RIMBP2: variants seen among roughly 807,000 people sequenced by gnomAD.
RIMBP2 encodes the protein RIMS-binding protein 2.
A neutral mutation model predicts 118.6 loss-of-function variants in RIMBP2; 48 were observed. The ratio of observed to expected loss-of-function variants is 0.40; its 90% CI spans 0.32 to 0.51. The LOEUF (loss-of-function observed/expected upper bound fraction) is 0.51, where lower values mean the gene tolerates loss of function less well. Ranked by LOEUF, RIMBP2 falls within the 20% of genes least tolerant of loss-of-function variation. The pLI, the probability that RIMBP2 is intolerant of heterozygous loss-of-function variation, is 0.41. For synonymous variants in RIMBP2, 762 were observed against 742.9 expected (o/e 1.03, Z -0.42); for missense variants, 1,551 against 1,768.3 (o/e 0.88, Z 2.20).
chr12:130,399,263 A>T, intron 22 of RIMBP2: 1 of 605,200 alleles, frequency 1.7e-6, no homozygotes, highest in East Asian at 4.2e-5. Context: ...GATACTAAAC[A>T]TGAATGTAGT....
intron 3 of RIMBP2, among the ~76,000 whole-genome samples, chr12:130,513,314 C>G (rs2051110324): frequency 6.6e-6 from 1 of 152,174 alleles, no homozygotes; most frequent in South Asian, 2.1e-4. Context: ...GGATTTTATT[C>G]TCTAAAAAAA....
At chr12:130,654,049 C>T (rs1236800086) in intron 1 of RIMBP2, among the ~76,000 whole-genome samples, 1 of 152,202 alleles carries the variant, frequency 6.6e-6, no homozygotes, top group Non-Finnish European at 1.5e-5. Context: ...GATATTAGCA[C>T]TTGGGTCCTT....
intron 6 of RIMBP2, among the ~76,000 whole-genome samples, chr12:130,467,274 A>T (rs2080565732): frequency 6.6e-6 from 1 of 152,264 alleles, no homozygotes; most frequent in Non-Finnish European, 1.5e-5. Flanking sequence ...ATGCAGCTAG[A>T]GGCTGAAAGA....
At chr12:130,650,970 A>AG (rs1436728268) in intron 1 of RIMBP2, among the ~76,000 whole-genome samples, 1 of 149,466 alleles carries the variant, frequency 6.7e-6, no homozygotes, top group Non-Finnish European at 1.5e-5. Context: ...AAAAAAAAAA[A>AG]AAAAAAGAAA....
intron 4 of RIMBP2, among the ~76,000 whole-genome samples, chr12:130,480,881 G>A (rs553894834): frequency 5.3e-5 from 8 of 152,340 alleles, no homozygotes; most frequent in South Asian, 4.2e-4. Context: ...GATTACAGGC[G>A]TGAGCCACCG....
At chr12:130,544,197 G>C (rs1379877858) in intron 2 of RIMBP2, among the ~76,000 whole-genome samples, 3 of 152,084 alleles carry the variant, frequency 2.0e-5, no homozygotes, top group Non-Finnish European at 4.4e-5. Flanking sequence ...TTCACTTCCT[G>C]GCCACACACC....
chr12:130,647,587 T>G (rs2063047940), intron 1 of RIMBP2, among the ~76,000 whole-genome samples: 1 of 144,942 alleles, frequency 6.9e-6, no homozygotes, highest in Admixed American at 6.9e-5. Context: ...TGTTCTAAAT[T>G]TCTTCCTGAG....
chr12:130,590,792 A>G (rs1308705733), intron 2 of RIMBP2, among the ~76,000 whole-genome samples: 3 of 152,192 alleles, frequency 2.0e-5, no homozygotes, highest in East Asian at 3.9e-4. Context: ...AGGAAAGCCC[A>G]GGATGGCAAG....
chr12:130,676,872 G>A (rs1296088984), intron 1 of RIMBP2, among the ~76,000 whole-genome samples: 1 of 152,150 alleles, frequency 6.6e-6, no homozygotes, highest in East Asian at 1.9e-4. Context: ...TGAGGGGAGG[G>A]AAAGCCTGCC....
At chr12:130,690,417 C>T (rs76706777) in intron 1 of RIMBP2, among the ~76,000 whole-genome samples, 1 of 152,310 alleles carries the variant, frequency 6.6e-6, no homozygotes, top group African/African-American at 2.4e-5. Flanking sequence ...ACAGCTTGAA[C>T]AGCGGTTTTG....
intron 1 of RIMBP2, among the ~76,000 whole-genome samples, chr12:130,648,144 ATCTT>A (rs1461259679): frequency 7.0e-6 from 1 of 141,944 alleles, no homozygotes; most frequent in Non-Finnish European, 1.6e-5. Context: ...ACTTTTACAC[ATCTT>A]TCTTTTCTAA....
At chr12:130,671,769 G>A (rs1292546930) in intron 1 of RIMBP2, among the ~76,000 whole-genome samples, 1 of 151,232 alleles carries the variant, frequency 6.6e-6, no homozygotes, top group Non-Finnish European at 1.5e-5. Context: ...TAGTCCCTGG[G>A]GGCAAAATCA....
chr12:130,439,107 T>C (rs1220586693), intron 11 of RIMBP2, among the ~76,000 whole-genome samples: 1 of 152,118 alleles, frequency 6.6e-6, no homozygotes, highest in Non-Finnish European at 1.5e-5. Context: ...GATGACATCG[T>C]TGAACCTGAG....
At chr12:130,715,191 G>A (rs911829639) in intron 1 of RIMBP2, among the ~76,000 whole-genome samples, 1 of 152,230 alleles carries the variant, frequency 6.6e-6, no homozygotes. Flanking sequence ...CTCCTTCAGG[G>A]CTCCTCCGTG....
chr12:130,412,398 C>CTTAGGTG (rs1382053077), intron 19 of RIMBP2, among the ~76,000 whole-genome samples: 1 of 152,204 alleles, frequency 6.6e-6, no homozygotes, highest in East Asian at 1.9e-4. Context: ...TGTCTTCACA[C>CTTAGGTG]TTAGGTGTAT....
chr12:130,411,184 A>G (rs2075687105), intron 19 of RIMBP2, among the ~76,000 whole-genome samples: 1 of 152,206 alleles, frequency 6.6e-6, no homozygotes, highest in Admixed American at 6.5e-5. Flanking sequence ...TGATTTTTGT[A>G]TATTGACCTT....
At position 130,574,795 on chromosome 12, in the gene RIMBP2, G is replaced by T. The variant is rs76393626; in HGVS notation, c.-217+53527C>A. On this transcript the variant is annotated intron_variant, in intron 2 of 22. Transcript: ENST00000690449. ...ACCTCCTTGTGCTCTAGGCACTGTG[G>T]CCGTCACCCACTGCTTGCCAAGCCT... 9.2e-3 allele frequency among the ~76,000 whole-genome samples: 1,405 copies of T among 151,978 alleles called. 19 individuals are homozygous for T. Among genetic ancestry groups the T allele is most frequent in the African/African-American group, 0.031 (1,299 of 41,434 alleles).
rs1375396533 is a variant in RIMBP2 at position 130,617,606 on chromosome 12, A to G, written c.-217+10716T>C. ...CCTGGAGGCGGCCTTTCCTTTAGCA[A>G]AGGTGGGCTGCTTCTTATTTCAGCT... is the stretch of plus-strand genomic sequence containing the variant. On this transcript the variant is annotated intron_variant, in intron 2 of 22. Coordinates refer to ENST00000690449, the MANE Select transcript of RIMBP2 (RefSeq NM_001393629.1). This position sits in a 1 kb window ranked among gnomAD's most constrained non-coding sequence, Gnocchi z 4.6. 6.6e-6 allele frequency among the ~76,000 whole-genome samples: 1 copy of G among 152,200 alleles called. No individual in the cohort carries two copies. The highest frequency in any genetic ancestry group is 1.5e-5 in the Non-Finnish European group (1 of 68,030).
In RIMBP2 at chr12:130,478,888, C is replaced by T. The variant is rs745941843; in HGVS notation, c.102+24G>A. 5.0e-6 allele frequency: 8 copies of T among 1,584,842 alleles called. No homozygotes were observed. In the East Asian group the frequency reaches 6.7e-5, roughly 13 times the overall value. ...CCCGTGGACTCCCTGCCTCGCACGCCGCGCCCGGCTGCCCGCCGCTTACCT... is the reference window on the plus strand; with the variant it reads ...CCCGTGGACTCCCTGCCTCGCACGCTGCGCCCGGCTGCCCGCCGCTTACCT... On this transcript the variant is annotated intron_variant, in intron 5 of 22. Coordinates refer to ENST00000690449, the MANE Select transcript of RIMBP2 (RefSeq NM_001393629.1).
Sources: gnomAD v4.1 joint callset for allele counts (sites outside exome capture counted in the v4.1 genomes callset) on GRCh38, gnomAD v4.1.1 for gene constraint, Gnocchi (gnomAD v3.1) non-coding constraint, MANE v1.5 for transcripts, NCBI Gene and HGNC (gene_info 2026-07-23, HGNC 2026-07-21) for gene names.